TF: variants seen among roughly 807,000 people sequenced by gnomAD.
TF encodes transferrin, also known as serotransferrin.
A neutral mutation model predicts 82.4 loss-of-function variants in TF; 55 were observed. The observed-to-expected ratio is 0.67, with a 90% CI of 0.54 to 0.84. TF has a LOEUF of 0.84. Ranked by LOEUF, TF falls within the 40% of genes least tolerant of loss-of-function variation. The pLI is 0.00. For missense variants in TF, 737 were observed against 868.4 expected (o/e 0.85, Z 1.90); for synonymous variants, 332 against 332.6 (o/e 1.00, Z 0.02).
the TF span, among the ~76,000 whole-genome samples, chr3:133,677,802 C>T: frequency 2.6e-5 from 4 of 151,878 alleles, no homozygotes; most frequent in Non-Finnish European, 5.9e-5. Flanking sequence ...TCCTATCTCA[C>T]CCTCCTCAGT....
the TF span, among the ~76,000 whole-genome samples, chr3:133,716,266 A>C: frequency 6.6e-6 from 1 of 151,964 alleles, no homozygotes; most frequent in African/African-American, 2.4e-5. Context: ...AGACCTGTAG[A>C]TCCAGCTGCC....
chr3:133,673,118 A>T, the TF span, among the ~76,000 whole-genome samples: 1 of 152,226 alleles, frequency 6.6e-6, no homozygotes, highest in Non-Finnish European at 1.5e-5. Context: ...AGCTGAACGT[A>T]CATCTACTTC....
rs376796907 is a variant in TF at position 133,780,367 on chromosome 3, G to A, written c.*1747G>A. On this transcript the variant is annotated 3_prime_UTR_variant, in exon 17 of 17. Coordinates refer to ENST00000402696, the MANE Select transcript of TF (RefSeq NM_001063.4). Reference sequence around the variant, plus strand: ...TAAACCTAATTTTATTACACTACAGGTATATTCCTGGAAGTCTTAGACAAC... The same window carrying A: ...TAAACCTAATTTTATTACACTACAGATATATTCCTGGAAGTCTTAGACAAC... The A allele has an allele frequency of 1.3e-5, 2 of 152,084 alleles. No homozygotes were observed. Among genetic ancestry groups the A allele is most frequent in the Non-Finnish European group, 2.9e-5 (2 of 68,014 alleles). The allele number at this position is 152,084 out of a possible 1,614,324, so 9.4% of individuals were successfully genotyped here.
In TF at chr3:133,748,435, A is replaced by G; in HGVS notation, c.67A>G (p.Lys23Glu). ...VLGLCLAVPDKTVRWCAVSEH... is the reference protein window; with the variant it reads ...VLGLCLAVPDETVRWCAVSEH... Reference sequence around the variant, plus strand: ...AGGGCTGTGTCTGGCTGTCCCTGATAAAACTGTGAGATGGTGTGCAGTGTC... The same window carrying G: ...AGGGCTGTGTCTGGCTGTCCCTGATGAAACTGTGAGATGGTGTGCAGTGTC... Residue 23 changes from lysine (K) to glutamate (E), a missense_variant, in exon 2 of 17, where the codon AAA (lysine) becomes GAA (glutamate). Lys to Glu is a moderately conservative substitution (Grantham distance 56). Coordinates refer to ENST00000402696, the MANE Select transcript of TF (RefSeq NM_001063.4). 1 of 1,614,102 alleles carries G rather than the reference A, an allele frequency of 6.2e-7. No homozygotes were observed. The highest frequency in any genetic ancestry group is 8.5e-7 in the Non-Finnish European group (1 of 1,180,000).
the TF span, among the ~76,000 whole-genome samples, chr3:133,686,008 C>A: frequency 6.6e-6 from 1 of 152,092 alleles, no homozygotes; most frequent in Admixed American, 6.6e-5. Flanking sequence ...AGATATAGAC[C>A]AATGGAAGAG....
In TF at chr3:133,790,385, C is replaced by A. The variant is rs1314403658; in HGVS notation, c.*11765C>A. On this transcript the variant is annotated 3_prime_UTR_variant, in exon 17 of 17. Coordinates refer to ENST00000402696, the MANE Select transcript of TF (RefSeq NM_001063.4). ...CACATAATTCTGTATACAAAACATG[C>A]CAGAAAGTTTGTGTTATTAGTGAGA... The A allele has an allele frequency of 6.6e-6, 1 of 151,984 alleles. No homozygotes were observed. Among genetic ancestry groups the A allele is most frequent in the East Asian group, 1.9e-4 (1 of 5,198 alleles). 9.4% of individuals were successfully genotyped at this position (151,984 alleles called of 1,614,324 possible).
chr3:133,729,003 G>A, the TF span, among the ~76,000 whole-genome samples: 51 of 152,274 alleles, frequency 3.3e-4, no homozygotes, highest in East Asian at 1.5e-3. Flanking sequence ...CTGTCTGATC[G>A]TTCCTCTGGA....
chr3:133,723,941 T>G, the TF span, among the ~76,000 whole-genome samples: 1 of 152,144 alleles, frequency 6.6e-6, no homozygotes, highest in Non-Finnish European at 1.5e-5. Flanking sequence ...TTACTGAGAA[T>G]GATGATTTCC....
At position 133,748,454 on chromosome 3, in the gene TF, C is replaced by A. The variant is rs1933566985; in HGVS notation, c.86C>A (p.Ala29Glu). 1 of 1,614,010 alleles carries A rather than the reference C, an allele frequency of 6.2e-7. No homozygotes were observed. Among genetic ancestry groups the A allele is most frequent in the Admixed American group, 1.7e-5 (1 of 60,004 alleles). Residue 29 changes from alanine to glutamate, a missense_variant, in exon 2 of 17, where the codon GCA (alanine) becomes GAA (glutamate). Transcript: ENST00000402696. ...AVPDKTVRWC[A>E]VSEHEATKCQ... ...CCTGATAAAACTGTGAGATGGTGTG[C>A]AGTGTCGGAGCATGAGGCCACTAAG...
the TF span, among the ~76,000 whole-genome samples, chr3:133,682,024 G>T: frequency 2.2e-4 from 34 of 152,320 alleles, no homozygotes; most frequent in East Asian, 6.4e-3. Context: ...TGATCAGGCA[G>T]CAACATTTGC....
intron 13 of TF, among the ~76,000 whole-genome samples, chr3:133,768,769 C>G (rs1934189505): frequency 6.7e-6 from 1 of 149,116 alleles, no homozygotes; most frequent in South Asian, 2.1e-4. Flanking sequence ...CATAGAGATA[C>G]CTGTGTACCT....
At chr3:133,664,909 C>T in the TF span, 5 of 151,864 alleles carry the variant, frequency 3.3e-5, no homozygotes, top group East Asian at 1.9e-4. Flanking sequence ...GATATGCCCT[C>T]GGAAGCTGAG....
chr3:133,671,753 A>G, the TF span, among the ~76,000 whole-genome samples: 2 of 151,628 alleles, frequency 1.3e-5, no homozygotes, highest in Non-Finnish European at 2.9e-5. Flanking sequence ...CAATCTTGCC[A>G]CTTCACTCCA....
the TF span, among the ~76,000 whole-genome samples, chr3:133,723,610 T>C: frequency 1.3e-5 from 2 of 148,298 alleles, no homozygotes; most frequent in Non-Finnish European, 3.0e-5. Flanking sequence ...ATTGAATTTT[T>C]TCAGTTCACA....
At chr3:133,704,416 A>C in the TF span, 1 of 177,936 alleles carries the variant, frequency 5.6e-6, no homozygotes, top group African/African-American at 2.3e-5. Flanking sequence ...TGTTGAGATA[A>C]TAACTATTGT....
chr3:133,756,984 T>C lies in TF; in HGVS notation c.845T>C (p.Ile282Thr), dbSNP rs1188303160. The change falls in exon 7 of 17, where the codon ATC becomes ACC. Residue 282 changes from isoleucine to threonine, a missense_variant. Physicochemically the swap from Ile to Thr is moderately conservative, Grantham distance 89 (BLOSUM62 -1). Coordinates refer to ENST00000402696, the MANE Select transcript of TF (RefSeq NM_001063.4). ...ARSMGGKEDL[I>T]WELLNQAQEH... ...AGTATGGGCGGCAAGGAGGACTTGA[T>C]CTGGGAGCTTCTCAACCAGGCCCAG... 1.5e-5 allele frequency: 25 copies of C among 1,614,130 alleles called. No homozygotes were observed. The highest frequency in any genetic ancestry group is 1.9e-5 in the Non-Finnish European group (23 of 1,179,996).
intron 7 of TF, 130 bp from the exon 8 acceptor site, chr3:133,757,639 A>C: frequency 1.1e-6 from 1 of 874,006 alleles, no homozygotes; most frequent in South Asian, 1.4e-5. Context: ...AGCAGGTCCG[A>C]CTGCCCTCTC....
the TF span, chr3:133,700,904 C>T: frequency 0.18 from 26,839 of 152,630 alleles, 2,604 homozygotes; most frequent in Middle Eastern, 0.23. Flanking sequence ...AAAGACAAGT[C>T]GTCAGAATTT....
At chr3:133,697,475 T>A in the TF span, among the ~76,000 whole-genome samples, 1 of 152,230 alleles carries the variant, frequency 6.6e-6, no homozygotes, top group Non-Finnish European at 1.5e-5. Context: ...CCTGAAGTAT[T>A]TGAAAACATC....
Sources: allele counts gnomAD v4.1 joint callset (sites outside exome capture counted in the v4.1 genomes callset), GRCh38; gene constraint gnomAD v4.1.1; transcripts MANE v1.5; gene names NCBI Gene and HGNC (gene_info 2026-07-23, HGNC 2026-07-21).